Variants in PTPRD observed in about 807,000 individuals in gnomAD.
PTPRD encodes the protein protein tyrosine phosphatase receptor type D.
A neutral mutation model predicts 214.5 loss-of-function variants in PTPRD; 34 were observed. That is an observed-to-expected ratio of 0.16 (90% CI 0.12 to 0.21). PTPRD has a LOEUF of 0.21. Ranked by LOEUF, PTPRD falls within the 10% of genes least tolerant of loss-of-function variation. The probability of loss-of-function intolerance (pLI) is 1.00; values close to 1 mark genes in which losing one functional copy is unlikely to be tolerated. For missense variants in PTPRD, 2,545 were observed against 2,398.7 expected (o/e 1.06, Z -1.27); for synonymous variants, 1,128 against 845.7 (o/e 1.33, Z -5.79).
At position 9,255,367 on chromosome 9, in the gene PTPRD, T is replaced by A. The variant is rs191519999; in HGVS notation, c.-202-72004A>T. The stretch of plus-strand genomic sequence containing the variant: ...CTTAAGGTGACCAGAAGATATTCAA[T>A]TGTTTCCTCCTACTTATAGCTCAAC... On this transcript the variant is annotated intron_variant, in intron 9 of 45. Transcript: ENST00000381196. Among the ~76,000 whole-genome samples, 124 of 152,188 alleles carry A rather than the reference T, an allele frequency of 8.1e-4. 1 individual carries two copies. Among genetic ancestry groups the A allele is most frequent in the African/African-American group, 2.8e-3 (118 of 41,560 alleles).
intron 11 of PTPRD, among the ~76,000 whole-genome samples, chr9:8,807,598 C>CCT (rs1354383200): frequency 5.2e-5 from 7 of 135,042 alleles, no homozygotes; most frequent in Non-Finnish European, 8.0e-5. Flanking sequence ...CTTTGAATAG[C>CCT]TTTTTTTTTT....
chr9:8,897,733 C>T (rs1278818495), intron 11 of PTPRD, among the ~76,000 whole-genome samples: 1 of 152,118 alleles, frequency 6.6e-6, no homozygotes, highest in Non-Finnish European at 1.5e-5. Flanking sequence ...ACGTTGGCAA[C>T]CTGAGATATG....
At chr9:9,255,369 G>C (rs1040850849) in intron 9 of PTPRD, among the ~76,000 whole-genome samples, 17 of 151,946 alleles carry the variant, frequency 1.1e-4, no homozygotes, top group African/African-American at 3.9e-4. Context: ...ATATTCAATT[G>C]TTTCCTCCTA....
chr9:9,523,401 G>A (rs1775205415), intron 8 of PTPRD, among the ~76,000 whole-genome samples: 1 of 152,048 alleles, frequency 6.6e-6, no homozygotes, highest in Non-Finnish European at 1.5e-5. Flanking sequence ...TATTCAAAAA[G>A]ATTCATTTCA....
chr9:9,905,681 C>T (rs953356420), intron 5 of PTPRD, among the ~76,000 whole-genome samples: 4 of 151,952 alleles, frequency 2.6e-5, no homozygotes, highest in African/African-American at 7.2e-5. Flanking sequence ...AAATTTCCTA[C>T]TGCGTAACTA....
chr9:8,330,011 C>G (rs1034306169), intron 44 of PTPRD, among the ~76,000 whole-genome samples: 3 of 151,932 alleles, frequency 2.0e-5, no homozygotes, highest in African/African-American at 7.3e-5. Flanking sequence ...AAGCCAGGCA[C>G]TGGAGGGAAT....
intron 13 of PTPRD, among the ~76,000 whole-genome samples, chr9:8,635,215 T>C (rs80025904): frequency 0.091 from 13,700 of 151,194 alleles, 724 homozygotes; most frequent in East Asian, 0.18. Context: ...GAATTAGGCA[T>C]TGAGCAGAGA....
intron 36 of PTPRD, among the ~76,000 whole-genome samples, chr9:8,402,658 A>G (rs1246333631): frequency 2.7e-5 from 4 of 150,416 alleles, no homozygotes; most frequent in African/African-American, 9.8e-5. Flanking sequence ...TTCATTTATT[A>G]TGGAGATGAT....
chr9:9,076,328 C>T (rs1204663817), intron 10 of PTPRD, among the ~76,000 whole-genome samples: 1 of 152,020 alleles, frequency 6.6e-6, no homozygotes, highest in Admixed American at 6.6e-5. Flanking sequence ...AAATTTTCCC[C>T]CGTTCTGTAG....
chr9:10,218,434 G>A (rs2099551470), intron 3 of PTPRD, among the ~76,000 whole-genome samples: 1 of 151,706 alleles, frequency 6.6e-6, no homozygotes, highest in Non-Finnish European at 1.5e-5. Flanking sequence ...TCTTATGGGG[G>A]CAGCATTACT....
At chr9:9,174,240 G>A (rs2099923253) in intron 10 of PTPRD, among the ~76,000 whole-genome samples, 1 of 151,982 alleles carries the variant, frequency 6.6e-6, no homozygotes, top group Admixed American at 6.6e-5. Context: ...TTGAGGGCAG[G>A]TACCATTTTT....
chr9:10,241,081 A>G (rs1045463492), intron 3 of PTPRD, among the ~76,000 whole-genome samples: 1 of 151,932 alleles, frequency 6.6e-6, no homozygotes, highest in Non-Finnish European at 1.5e-5. Context: ...TGGATTACAA[A>G]TAAGCTCATA....
intron 3 of PTPRD, among the ~76,000 whole-genome samples, chr9:10,261,455 G>A (rs897472974): frequency 1.3e-5 from 2 of 151,926 alleles, no homozygotes; most frequent in African/African-American, 4.8e-5. Context: ...GACAAAGAAA[G>A]ATACATTATA....
chr9:9,829,149 G>A (rs150990909), intron 5 of PTPRD, among the ~76,000 whole-genome samples: 39 of 151,884 alleles, frequency 2.6e-4, no homozygotes, highest in Middle Eastern at 3.4e-3. Context: ...AGAATATTAC[G>A]TAGAACATTG....
chr9:10,422,928 C>T (rs1336202958), intron 2 of PTPRD, among the ~76,000 whole-genome samples: 1 of 151,980 alleles, frequency 6.6e-6, no homozygotes, highest in Non-Finnish European at 1.5e-5. Context: ...CTAGAAATAC[C>T]ATTTGACCCA....
intron 11 of PTPRD, among the ~76,000 whole-genome samples, chr9:8,992,838 AAAGGG>A (rs1485229890): frequency 1.3e-5 from 2 of 152,188 alleles, no homozygotes; most frequent in Non-Finnish European, 2.9e-5. Flanking sequence ...TAGAGGGACT[AAAGGG>A]ACAGAAACTG....
At chr9:9,467,585 T>TC (rs775863669) in intron 8 of PTPRD, among the ~76,000 whole-genome samples, 250 of 9,988 alleles carry the variant, frequency 0.025, 3 homozygotes, top group African/African-American at 0.095. Flanking sequence ...GGACTCCATC[T>TC]CCCAAAAAAA....
At chr9:8,653,435 C>A (rs552319059) in intron 12 of PTPRD, among the ~76,000 whole-genome samples, 9 of 152,196 alleles carry the variant, frequency 5.9e-5, no homozygotes, top group African/African-American at 2.2e-4. Context: ...AAAGGTTCTG[C>A]CATCCTTCAC....
At chr9:9,555,168 A>G (rs1032267228) in intron 8 of PTPRD, among the ~76,000 whole-genome samples, 1 of 152,056 alleles carries the variant, frequency 6.6e-6, no homozygotes, top group Non-Finnish European at 1.5e-5. Context: ...TGTATTATGA[A>G]TATGTTCATT....
Sources: allele counts gnomAD v4.1 joint callset (sites outside exome capture counted in the v4.1 genomes callset), GRCh38; gene constraint gnomAD v4.1.1; transcripts MANE v1.5; gene names NCBI Gene and HGNC (gene_info 2026-07-23, HGNC 2026-07-21).